NRG1: variants seen among roughly 807,000 people sequenced by gnomAD.
NRG1 encodes pro-neuregulin-1, membrane-bound isoform.
NRG1 carries 18 observed loss-of-function variants against 63.8 expected under a neutral mutation model. That is an observed-to-expected ratio of 0.28 (90% CI 0.19 to 0.42). The LOEUF is 0.42. Ranked by LOEUF, NRG1 falls within the 10% of genes least tolerant of loss-of-function variation. NRG1 has a pLI of 1.00. For synonymous variants in NRG1, 302 were observed against 301.3 expected (o/e 1.00, Z -0.02); for missense variants, 762 against 814.7 (o/e 0.94, Z 0.79).
rs1815116027 is a variant in NRG1 at position 32,412,420 on chromosome 8, C to CATATATATATATATATATATATATATATA, written c.38-183408_38-183407insATATATATATATATATATATATATATATA. ...CTCTCCTCTCTCTCTCTCTCTCTCT[C>CATATATATATATATATATATATATATATA]TACATATATATATATATATATATAT... On this transcript the variant is annotated intron_variant, in intron 1 of 10. Coordinates refer to the NRG1 transcript ENST00000519301. Among the ~76,000 whole-genome samples the CATATATATATATATATATATATATATATA allele has an allele frequency of 1.1e-3, 46 of 41,788 alleles. 4 individuals carry two copies. The highest frequency in any genetic ancestry group is 1.9e-3 in the Non-Finnish European group (34 of 17,518). The allele number at this position is 41,788 out of a possible 152,430, so 27.4% of individuals were successfully genotyped here.
intron 1 of NRG1, among the ~76,000 whole-genome samples, chr8:32,330,041 TAAAAAAAAAAAAAAAAAAAAAAAAA>T (rs532006401): frequency 2.6e-4 from 11 of 43,020 alleles, no homozygotes; most frequent in South Asian, 3.0e-3. Context: ...CCTAGCTAAT[TAAAAAAAAAAAAAAAAAAAAAAAAA>T]AAAAAAAAAA....
At chr8:31,721,505 G>A (rs1423608816) in intron 1 of NRG1, among the ~76,000 whole-genome samples, 1 of 152,118 alleles carries the variant, frequency 6.6e-6, no homozygotes. Flanking sequence ...CCTTGGAAAT[G>A]TTTTCACGTT....
At chr8:32,438,912 T>C (rs1174293930) in intron 1 of NRG1, among the ~76,000 whole-genome samples, 1 of 152,060 alleles carries the variant, frequency 6.6e-6, no homozygotes, top group Non-Finnish European at 1.5e-5. Flanking sequence ...AAGAGTTCTG[T>C]ATATATTCTT....
chr8:32,103,261 C>T (rs1188362376), intron 1 of NRG1, among the ~76,000 whole-genome samples: 1 of 152,130 alleles, frequency 6.6e-6, no homozygotes, highest in Non-Finnish European at 1.5e-5. Context: ...TTTTTACATT[C>T]AGTAAATGAG....
At position 32,747,775 on chromosome 8, in the gene NRG1, G is replaced by C. The variant is rs1012755089; in HGVS notation, c.691+5042G>C. Among the ~76,000 whole-genome samples the C allele has an allele frequency of 6.4e-5, 9 of 139,840 alleles. 1 individual carries two copies. The South Asian group carries it at 2.0e-3, about 31-fold the overall frequency. 91.7% of individuals were successfully genotyped at this position (139,840 alleles called of 152,430 possible). On this transcript the variant is annotated intron_variant, in intron 7 of 11. Transcript: ENST00000356819. The stretch of plus-strand genomic sequence containing the variant: ...ATATATATACTTTAAAAAATCTGGG[G>C]AGCTTTATTTCCTTAAAGGGCAGCA...
intron 1 of NRG1, among the ~76,000 whole-genome samples, chr8:32,121,596 G>C (rs1833456486): frequency 6.6e-6 from 1 of 151,798 alleles, no homozygotes; most frequent in Admixed American, 6.6e-5. Flanking sequence ...AAAAATATTG[G>C]GTTAGACTTA....
At chr8:32,347,058 T>C (rs369389456) in intron 1 of NRG1, among the ~76,000 whole-genome samples, 17 of 152,190 alleles carry the variant, frequency 1.1e-4, no homozygotes, top group African/African-American at 2.4e-4. Flanking sequence ...CTCGATCTCC[T>C]GACCTCGTGA....
chr8:32,235,230 C>CAAA (rs58148757), intron 1 of NRG1, among the ~76,000 whole-genome samples: 8 of 88,306 alleles, frequency 9.1e-5, no homozygotes, highest in South Asian at 4.5e-4. Context: ...CTAATCTCTA[C>CAAA]AAAAAAAAAA....
At chr8:32,323,389 A>C (rs2129476945) in intron 1 of NRG1, among the ~76,000 whole-genome samples, 1 of 152,338 alleles carries the variant, frequency 6.6e-6, no homozygotes, top group East Asian at 1.9e-4. Context: ...TCTTTTGGAA[A>C]AAAATAAAGA....
chr8:31,836,913 C>T (rs913751357), intron 1 of NRG1, among the ~76,000 whole-genome samples: 18 of 152,168 alleles, frequency 1.2e-4, no homozygotes, highest in African/African-American at 4.1e-4. Flanking sequence ...TCTGTAATCT[C>T]TATGCCTTCA....
chr8:31,824,896 T>A (rs1824384195), intron 1 of NRG1, among the ~76,000 whole-genome samples: 1 of 152,216 alleles, frequency 6.6e-6, no homozygotes, highest in African/African-American at 2.4e-5. Context: ...TAATATTTCT[T>A]ACTGAGAGTC....
intron 1 of NRG1, among the ~76,000 whole-genome samples, chr8:31,873,309 G>T (rs1449963372): frequency 6.6e-6 from 1 of 152,116 alleles, no homozygotes; most frequent in African/African-American, 2.4e-5. Flanking sequence ...GCCTGTAATT[G>T]TAGCACTTTG....
chr8:32,219,215 G>A (rs955163615), intron 1 of NRG1, among the ~76,000 whole-genome samples: 4 of 152,120 alleles, frequency 2.6e-5, no homozygotes, highest in South Asian at 2.1e-4. Context: ...GATTCTGACC[G>A]CCACCATCAC....
chr8:31,791,616 A>G (rs1284146105), intron 1 of NRG1, among the ~76,000 whole-genome samples: 4 of 152,186 alleles, frequency 2.6e-5, no homozygotes, highest in African/African-American at 9.6e-5. Context: ...ATCATTACGA[A>G]AGATGTCATT....
chr8:32,727,155 G>A (rs1012244273), intron 5 of NRG1, among the ~76,000 whole-genome samples: 1 of 152,162 alleles, frequency 6.6e-6, no homozygotes, highest in Admixed American at 6.5e-5. Flanking sequence ...CCACTTTCAT[G>A]TAACATGAAG....
At chr8:32,152,521 A>G (rs980602314) in intron 1 of NRG1, among the ~76,000 whole-genome samples, 17 of 152,208 alleles carry the variant, frequency 1.1e-4, no homozygotes, top group African/African-American at 3.9e-4. Flanking sequence ...TGATTATGAA[A>G]TAACTTCCTA....
chr8:31,851,183 A>C (rs1415715764), intron 1 of NRG1, among the ~76,000 whole-genome samples: 1 of 152,222 alleles, frequency 6.6e-6, no homozygotes, highest in African/African-American at 2.4e-5. Context: ...AGGGAAAGCC[A>C]AATCCTTCAA....
At chr8:32,164,462 C>A (rs1242283637) in intron 1 of NRG1, among the ~76,000 whole-genome samples, 1 of 152,138 alleles carries the variant, frequency 6.6e-6, no homozygotes, top group Admixed American at 6.5e-5. Context: ...AAAGTAGATA[C>A]CTTAGGCCAG....
At chr8:32,074,296 C>G (rs1826177765) in intron 1 of NRG1, among the ~76,000 whole-genome samples, 1 of 152,108 alleles carries the variant, frequency 6.6e-6, no homozygotes, top group Non-Finnish European at 1.5e-5. Flanking sequence ...TGTAACAGTT[C>G]CTAGTAATAG....
Sources: gnomAD v4.1 joint callset for allele counts (sites outside exome capture counted in the v4.1 genomes callset) on GRCh38, gnomAD v4.1.1 for gene constraint, MANE v1.5 for transcripts, NCBI Gene and HGNC (gene_info 2026-07-23, HGNC 2026-07-21) for gene names.